TSC22D3: variants seen among roughly 807,000 people sequenced by gnomAD.
TSC22D3 encodes TSC22 domain family member 3, also known as TSC22 domain family protein 3.
Under a neutral mutation model 11.1 loss-of-function variants are expected in TSC22D3, and 4 were observed. The ratio of observed to expected loss-of-function variants is 0.36; its 90% CI spans 0.18 to 0.83. The LOEUF (loss-of-function observed/expected upper bound fraction) is 0.83. Ranked by LOEUF, TSC22D3 falls within the 40% of genes least tolerant of loss-of-function variation. TSC22D3 has a pLI of 0.48. For synonymous variants in TSC22D3, 77 were observed against 70.3 expected (o/e 1.10, Z -0.48); for missense variants, 118 against 159.4 (o/e 0.74, Z 1.40).
intron 1 of TSC22D3, among the ~76,000 whole-genome samples, chrX:107,759,689 C>T (rs1208341147): frequency 8.9e-6 from 1 of 112,761 alleles, no homozygotes; most frequent in African/African-American, 3.2e-5. Flanking sequence ...ACCTTCATCT[C>T]ACAGCTGCCC....
intron 1 of TSC22D3, 190 bp from the exon 2 acceptor site, chrX:107,716,140 C>T: frequency 4.7e-6 from 3 of 632,446 alleles, no homozygotes; most frequent in Non-Finnish European, 6.9e-6. Context: ...TGCATCTCCT[C>T]ATCCAGGCCG....
intron 1 of TSC22D3, chrX:107,717,152 C>CT: frequency 1.3e-6 from 1 of 754,404 alleles, no homozygotes. Flanking sequence ...CTGTACCGGG[C>CT]TTTGTGGCCC....
intron 1 of TSC22D3, among the ~76,000 whole-genome samples, chrX:107,731,848 G>T (rs1927898233): frequency 1.1e-5 from 1 of 90,803 alleles, no homozygotes; most frequent in Non-Finnish European, 2.2e-5. Context: ...AGGTGCGGAA[G>T]GCTTGCAGGA....
At chrX:107,751,663 C>T (rs760993802) in intron 1 of TSC22D3, among the ~76,000 whole-genome samples, 1 of 112,252 alleles carries the variant, frequency 8.9e-6, no homozygotes, top group African/African-American at 3.2e-5. Context: ...GGGGAGGGAC[C>T]AGAGGCCTAG....
chrX:107,765,045 C>A (rs917476274), intron 1 of TSC22D3, among the ~76,000 whole-genome samples: 6 of 111,625 alleles, frequency 5.4e-5, no homozygotes, highest in African/African-American at 2.0e-4. Flanking sequence ...ATGGTGACTC[C>A]GGGTTCCAGC....
At chrX:107,735,290 T>C (rs1033904168) in intron 1 of TSC22D3, among the ~76,000 whole-genome samples, 1 of 112,192 alleles carries the variant, frequency 8.9e-6, no homozygotes, top group Non-Finnish European at 1.9e-5. Context: ...TTGCCCCTGG[T>C]CCTGCCATAA....
In TSC22D3 at chrX:107,750,083, C is replaced by T. The variant is rs1477653717; in HGVS notation, c.320+25017G>A. 2.7e-5 allele frequency among the ~76,000 whole-genome samples: 3 copies of T among 111,281 alleles called. No individual in the cohort carries two copies. In the Admixed American group the frequency reaches 2.9e-4, roughly 11 times the overall value. ...GGAGGATTGCTTGAGCCCAGGAGTT[C>T]GATGTTATTGTATGCTATGACTGCA... is the stretch of plus-strand genomic sequence containing the variant. On this transcript the variant is annotated intron_variant, in intron 1 of 2. Transcript: ENST00000372383.
At chrX:107,747,221 T>C (rs1928712136) in intron 1 of TSC22D3, among the ~76,000 whole-genome samples, 1 of 112,902 alleles carries the variant, frequency 8.9e-6, no homozygotes, top group Non-Finnish European at 1.9e-5. Flanking sequence ...CCCACTCCAT[T>C]GTGTGTCCTC....
At chrX:107,727,139 A>G (rs922810650) in intron 1 of TSC22D3, among the ~76,000 whole-genome samples, 4 of 112,006 alleles carry the variant, frequency 3.6e-5, no homozygotes, top group Admixed American at 2.8e-4. Flanking sequence ...ATTTATCTCC[A>G]ACAATAGGCT....
chrX:107,739,387 C>T (rs907265565), intron 1 of TSC22D3, among the ~76,000 whole-genome samples: 2 of 112,616 alleles, frequency 1.8e-5, no homozygotes, highest in African/African-American at 3.2e-5. Context: ...CACACACAGG[C>T]GCGTGCACAC....
At chrX:107,738,028 T>C (rs985010657) in intron 1 of TSC22D3, among the ~76,000 whole-genome samples, 5 of 112,257 alleles carry the variant, frequency 4.5e-5, no homozygotes, top group Admixed American at 9.4e-5. Context: ...AGATAAGTTG[T>C]CCTGGCTGGC....
chrX:107,742,291 G>A (rs868298714), intron 1 of TSC22D3, among the ~76,000 whole-genome samples: 160 of 75,716 alleles, frequency 2.1e-3, no homozygotes, highest in African/African-American at 9.2e-3. Context: ...AAGAGAGAGA[G>A]AGAGAGAGAG....
chrX:107,740,498 C>T (rs758477110), intron 1 of TSC22D3, among the ~76,000 whole-genome samples: 1 of 111,333 alleles, frequency 9.0e-6, no homozygotes, highest in Non-Finnish European at 1.9e-5. Flanking sequence ...AGGAGAATCG[C>T]TTGAACCCGG....
intron 1 of TSC22D3, among the ~76,000 whole-genome samples, chrX:107,733,881 T>C (rs1928002733): frequency 8.9e-6 from 1 of 111,932 alleles, no homozygotes; most frequent in African/African-American, 3.2e-5. Context: ...GATAGACAAC[T>C]GCCTGCCCCA....
rs910207805 is a variant in TSC22D3, at chrX:107,754,145, T to C, written c.320+20955A>G. Among the ~76,000 whole-genome samples the C allele has an allele frequency of 3.6e-5, 4 of 110,991 alleles. No homozygotes were observed. The East Asian group carries it at 1.1e-3, about 31-fold the overall frequency. ...TATGTTGGCCATGCTGGTCTCGAACTCTTGACCTCATGATCTTCCCACCTC... is the reference window on the plus strand; with the variant it reads ...TATGTTGGCCATGCTGGTCTCGAACCCTTGACCTCATGATCTTCCCACCTC... On this transcript the variant is annotated intron_variant, in intron 1 of 2. Transcript: ENST00000372383.
chrX:107,743,348 G>A (rs1212474641), intron 1 of TSC22D3, among the ~76,000 whole-genome samples: 2 of 112,245 alleles, frequency 1.8e-5, no homozygotes, highest in Non-Finnish European at 3.8e-5. Flanking sequence ...AGCCAGAAGG[G>A]CGATCATCTA....
At chrX:107,764,226 G>C (rs1929563091) in intron 1 of TSC22D3, among the ~76,000 whole-genome samples, 1 of 112,315 alleles carries the variant, frequency 8.9e-6, no homozygotes, top group Non-Finnish European at 1.9e-5. Context: ...TCCGTTGACT[G>C]TTCTATGACA....
intron 1 of TSC22D3, among the ~76,000 whole-genome samples, chrX:107,759,896 G>C (rs766178347): frequency 8.9e-6 from 1 of 112,700 alleles, no homozygotes; most frequent in African/African-American, 3.2e-5. Flanking sequence ...GGCTGGCTCG[G>C]CTGTGGGGGC....
intron 1 of TSC22D3, among the ~76,000 whole-genome samples, chrX:107,765,156 C>T (rs762613559): frequency 1.8e-5 from 2 of 112,306 alleles, no homozygotes; most frequent in African/African-American, 6.5e-5. Flanking sequence ...AATCTGAAAG[C>T]CCTGCTGCTT....
Sources: gnomAD v4.1 joint callset for allele counts (sites outside exome capture counted in the v4.1 genomes callset) on GRCh38, gnomAD v4.1.1 for gene constraint, MANE v1.5 for transcripts, NCBI Gene and HGNC (gene_info 2026-07-23, HGNC 2026-07-21) for gene names.